FGD4: variants seen among roughly 807,000 people sequenced by gnomAD.
FGD4 encodes FYVE, RhoGEF and PH domain containing 4.
FGD4 carries 42 observed loss-of-function variants against 102.0 expected under a neutral mutation model. The observed-to-expected ratio is 0.41, with a 90% CI of 0.32 to 0.53. The LOEUF is 0.53. FGD4 is among the 20% of genes least tolerant of loss of function. The pLI is 0.21. For missense variants in FGD4, 902 were observed against 1,078.2 expected (o/e 0.84, Z 2.29); for synonymous variants, 380 against 375.7 (o/e 1.01, Z -0.13).
intron 1 of FGD4, among the ~76,000 whole-genome samples, chr12:32,444,023 T>TTTC (rs1555182157): frequency 2.3e-5 from 2 of 86,600 alleles, no homozygotes; most frequent in African/African-American, 2.0e-4. Flanking sequence ...TTTGTTTTCT[T>TTTC]TTTTTTTTTT....
chr12:32,551,937 C>T (rs1187867151), intron 1 of FGD4, among the ~76,000 whole-genome samples: 2 of 152,178 alleles, frequency 1.3e-5, no homozygotes. Flanking sequence ...TTTGTCACCA[C>T]CAACAAAGCA....
At chr12:32,631,566 G>A (rs530805498) in intron 14 of FGD4, among the ~76,000 whole-genome samples, 24 of 147,688 alleles carry the variant, frequency 1.6e-4, no homozygotes, top group African/African-American at 5.8e-4. Context: ...GTGCACTGGC[G>A]CGATCTTGGC....
chr12:32,562,292 G>T (rs1049671761), intron 1 of FGD4, among the ~76,000 whole-genome samples: 3 of 152,214 alleles, frequency 2.0e-5, no homozygotes, highest in African/African-American at 7.2e-5. Flanking sequence ...TAAAGCACAT[G>T]GAATGAGATA....
chr12:32,519,929 A>G (rs900651033), intron 1 of FGD4, among the ~76,000 whole-genome samples: 3 of 152,224 alleles, frequency 2.0e-5, no homozygotes, highest in Admixed American at 6.5e-5. Flanking sequence ...TCTGGGTGAC[A>G]GAGCAAGACT....
At chr12:32,640,239 CA>C in intron 16 of FGD4, 36 bp from the exon 17 acceptor site, 2 of 1,614,132 alleles carry the variant, frequency 1.2e-6, no homozygotes, top group Non-Finnish European at 1.7e-6. Flanking sequence ...CAAGCGAATA[CA>C]TCACCTGCTT....
chr12:32,408,165 ATTTTTTTT>A, intron 1 of FGD4, among the ~76,000 whole-genome samples: 1 of 116,174 alleles, frequency 8.6e-6, no homozygotes, highest in Non-Finnish European at 1.7e-5. Context: ...TGTCCAGCCA[ATTTTTTTT>A]TTTTTTTTTT....
intron 10 of FGD4, among the ~76,000 whole-genome samples, chr12:32,614,338 G>A (rs1949320492): frequency 6.6e-6 from 1 of 152,192 alleles, no homozygotes; most frequent in Non-Finnish European, 1.5e-5. Flanking sequence ...CGATCCTGAA[G>A]ACAAAACACA....
intron 1 of FGD4, among the ~76,000 whole-genome samples, chr12:32,473,308 C>G (rs1943478483): frequency 6.6e-6 from 1 of 151,894 alleles, no homozygotes; most frequent in African/African-American, 2.4e-5. Context: ...ATAACTCTTG[C>G]TACTGCTCAC....
chr12:32,642,255 A>G lies in FGD4; in HGVS notation c.*1722A>G, dbSNP rs1291684645. ...TTAGGCCCTATTAAATCAGGGAAAG[A>G]CTAGAAGAAAATTTACATTGCTTCT... is the stretch of plus-strand genomic sequence containing the variant. On this transcript the variant is annotated 3_prime_UTR_variant, in exon 17 of 17. Transcript: ENST00000534526. 6.6e-6 allele frequency: 1 copy of G among 152,156 alleles called. No homozygotes were observed. The highest frequency in any genetic ancestry group is 2.4e-5 in the African/African-American group (1 of 41,454). The allele number at this position is 152,156 out of a possible 1,614,324, so 9.4% of individuals were successfully genotyped here. A position where few individuals can be genotyped will look rare whatever the true frequency, so the allele number is the denominator to read the frequency against.
intron 1 of FGD4, among the ~76,000 whole-genome samples, chr12:32,543,582 G>A (rs1288591211): frequency 1.3e-5 from 2 of 152,256 alleles, no homozygotes; most frequent in South Asian, 4.1e-4. Flanking sequence ...AGAACTCTCC[G>A]TTAGGAACAA....
At chr12:32,553,069 C>A (rs936999032) in intron 1 of FGD4, among the ~76,000 whole-genome samples, 1 of 151,060 alleles carries the variant, frequency 6.6e-6, no homozygotes, top group African/African-American at 2.4e-5. Context: ...GCTGGGATTA[C>A]AAGCATGAGC....
At chr12:32,485,858 C>T (rs1320945415) in intron 1 of FGD4, 5 of 1,230,562 alleles carry the variant, frequency 4.1e-6, no homozygotes, top group Non-Finnish European at 5.1e-6. Flanking sequence ...AGAGCTCTCT[C>T]AGTACATTTT....
intron 1 of FGD4, among the ~76,000 whole-genome samples, chr12:32,501,230 A>T (rs556794369): frequency 2.1e-4 from 32 of 152,222 alleles, no homozygotes; most frequent in African/African-American, 6.5e-4. Context: ...TTTTAAAAAA[A>T]TTTTCTGTGG....
At chr12:32,469,518 C>T (rs1276689589) in intron 1 of FGD4, among the ~76,000 whole-genome samples, 1 of 152,004 alleles carries the variant, frequency 6.6e-6, no homozygotes, top group Non-Finnish European at 1.5e-5. Context: ...TGACCTCAGG[C>T]AGTCTACCCG....
chr12:32,563,054 A>T (rs1472609642), intron 1 of FGD4, among the ~76,000 whole-genome samples: 1 of 131,314 alleles, frequency 7.6e-6, no homozygotes, highest in African/African-American at 3.0e-5. Context: ...TGACACCCCC[A>T]CCTCCCTCCC....
intron 14 of FGD4, among the ~76,000 whole-genome samples, chr12:32,626,274 G>A (rs766588866): frequency 5.3e-5 from 8 of 152,062 alleles, no homozygotes; most frequent in African/African-American, 7.2e-5. Flanking sequence ...GTGAAATCCC[G>A]TCTTTACTAA....
At chr12:32,589,230 A>G (rs191316165) in intron 4 of FGD4, among the ~76,000 whole-genome samples, 1 of 152,364 alleles carries the variant, frequency 6.6e-6, no homozygotes, top group Non-Finnish European at 1.5e-5. Context: ...AGATCAATAG[A>G]CTCAAAGCCT....
intron 10 of FGD4, among the ~76,000 whole-genome samples, chr12:32,614,776 C>A (rs2173572): frequency 0.26 from 40,258 of 152,132 alleles, 5,647 homozygotes; most frequent in South Asian, 0.41. Flanking sequence ...TGGTAAAATT[C>A]TCAAGACCCT....
intron 1 of FGD4, among the ~76,000 whole-genome samples, chr12:32,413,392 T>C (rs1249204131): frequency 6.6e-6 from 1 of 152,250 alleles, no homozygotes; most frequent in African/African-American, 2.4e-5. Context: ...GTGTAAATTA[T>C]GCCGTCATAT....
Sources: allele counts gnomAD v4.1 joint callset (sites outside exome capture counted in the v4.1 genomes callset), GRCh38; gene constraint gnomAD v4.1.1; transcripts MANE v1.5; gene names NCBI Gene and HGNC (gene_info 2026-07-23, HGNC 2026-07-21).